The following RANBP10 variants were observed in gnomAD, a reference collection of about 807,000 sequenced individuals.
The protein encoded by RANBP10 is RAN binding protein 10.
A neutral mutation model predicts 72.8 loss-of-function variants in RANBP10; 24 were observed. That is an observed-to-expected ratio of 0.33 (90% CI 0.24 to 0.46). The LOEUF (loss-of-function observed/expected upper bound fraction) is 0.46. RANBP10 is among the 20% of genes least tolerant of loss of function. The pLI, the probability that RANBP10 is intolerant of heterozygous loss-of-function variation, is 1.00. For synonymous variants in RANBP10, 310 were observed against 322.3 expected (o/e 0.96, Z 0.41); for missense variants, 679 against 817.5 (o/e 0.83, Z 2.07).
At chr16:67,727,553 G>A (rs2053629427) in intron 12 of RANBP10, 115 bp from the exon 13 acceptor site, 2 of 1,318,224 alleles carry the variant, frequency 1.5e-6, no homozygotes, top group Non-Finnish European at 2.1e-6. Context: ...AATGTGGGGT[G>A]TAGGGTCGGG....
intron 6 of RANBP10, 79 bp downstream of exon 6, chr16:67,734,778 GC>G (rs1335120092): frequency 2.9e-6 from 4 of 1,358,648 alleles, no homozygotes; most frequent in African/African-American, 1.5e-5. Context: ...TGTAAGAACA[GC>G]TTGTAGCCCT....
chr16:67,738,079 T>A (rs375291180), intron 4 of RANBP10, 44 bp from the exon 5 acceptor site: 17 of 1,554,124 alleles, frequency 1.1e-5, no homozygotes, highest in Non-Finnish European at 1.3e-5. Flanking sequence ...CCCCTGGGGC[T>A]ACTCTGCCTC....
intron 2 of RANBP10, among the ~76,000 whole-genome samples, chr16:67,779,233 A>G (rs967841478): frequency 6.6e-6 from 1 of 152,124 alleles, no homozygotes; most frequent in Admixed American, 6.6e-5. Flanking sequence ...TGTTTCCACC[A>G]AAAATACAAA....
chr16:67,794,268 T>C (rs2055084911), intron 2 of RANBP10, among the ~76,000 whole-genome samples: 1 of 151,900 alleles, frequency 6.6e-6, no homozygotes, highest in Non-Finnish European at 1.5e-5. Context: ...CGAAACCCCA[T>C]CTCTACTAGA....
chr16:67,736,054 T>C (rs1211459623), intron 5 of RANBP10, among the ~76,000 whole-genome samples: 1 of 152,088 alleles, frequency 6.6e-6, no homozygotes, highest in Non-Finnish European at 1.5e-5. Context: ...ACTGCAACTG[T>C]CCAGAGCCTC....
At chr16:67,740,891 A>G (rs891253391) in intron 4 of RANBP10, among the ~76,000 whole-genome samples, 1 of 152,092 alleles carries the variant, frequency 6.6e-6, no homozygotes, top group Non-Finnish European at 1.5e-5. Flanking sequence ...GAATCTGGAA[A>G]TCTCTCTGTA....
intron 3 of RANBP10, among the ~76,000 whole-genome samples, chr16:67,761,189 C>T (rs975292509): frequency 5.9e-5 from 9 of 152,226 alleles, no homozygotes; most frequent in Non-Finnish European, 1.0e-4. Flanking sequence ...AAAACTTCCA[C>T]ATCTTCCAGC....
At chr16:67,786,702 C>A (rs542490315) in intron 2 of RANBP10, among the ~76,000 whole-genome samples, 57 of 152,204 alleles carry the variant, frequency 3.7e-4, no homozygotes, top group Non-Finnish European at 7.4e-4. Flanking sequence ...CCGAGGCGGG[C>A]AGATCAGTTA....
Position 67,730,626 on chromosome 16 carries a change from C to T in RANBP10, c.890-580G>A, listed in dbSNP as rs1024019388. ...AGCATCTTGCTGCTGCCTTTTCGCT[C>T]TTGCCGTGGGGCCTGGTGCATCTCG... On this transcript the variant is annotated intron_variant, in intron 7 of 13. Coordinates refer to ENST00000317506, the MANE Select transcript of RANBP10 (RefSeq NM_020850.3). The surrounding 1 kb of genome is among the most constrained non-coding windows in gnomAD (Gnocchi z 4.3). 6.6e-6 allele frequency among the ~76,000 whole-genome samples: 1 copy of T among 152,194 alleles called. No homozygotes were observed. Among genetic ancestry groups the T allele is most frequent in the Non-Finnish European group, 1.5e-5 (1 of 68,022 alleles).
intron 3 of RANBP10, among the ~76,000 whole-genome samples, chr16:67,747,213 G>C (rs2054099586): frequency 6.6e-6 from 1 of 151,226 alleles, no homozygotes; most frequent in Non-Finnish European, 1.5e-5. Flanking sequence ...TTTAATTTTG[G>C]CCTTTTAGTG....
chr16:67,743,134 C>G (rs1199192070), intron 4 of RANBP10, among the ~76,000 whole-genome samples: 1 of 152,242 alleles, frequency 6.6e-6, no homozygotes, highest in Non-Finnish European at 1.5e-5. Flanking sequence ...ACTCAGGTCC[C>G]CTGATACTAG....
chr16:67,787,759 T>C (rs1045442924), intron 2 of RANBP10, among the ~76,000 whole-genome samples: 1 of 152,142 alleles, frequency 6.6e-6, no homozygotes, highest in Admixed American at 6.5e-5. Context: ...CCCAGCACGT[T>C]GGGAGGCTGA....
At chr16:67,799,437 G>A (rs368378146) in intron 2 of RANBP10, among the ~76,000 whole-genome samples, 49 of 151,868 alleles carry the variant, frequency 3.2e-4, no homozygotes, top group African/African-American at 7.5e-4. Flanking sequence ...ACAGGCGCCC[G>A]CCACCATGCC....
chr16:67,774,095 G>A (rs923764402), intron 2 of RANBP10, among the ~76,000 whole-genome samples: 1 of 152,212 alleles, frequency 6.6e-6, no homozygotes, highest in East Asian at 1.9e-4. Context: ...TACCTCAGCT[G>A]ACCAAGCAGC....
At chr16:67,772,685 C>T (rs536052748) in intron 2 of RANBP10, among the ~76,000 whole-genome samples, 1 of 152,298 alleles carries the variant, frequency 6.6e-6, no homozygotes, top group East Asian at 1.9e-4. Context: ...GACCCCCTCA[C>T]TCCTCCCACT....
chr16:67,751,033 T>C (rs1166010780), intron 3 of RANBP10, among the ~76,000 whole-genome samples: 1 of 152,210 alleles, frequency 6.6e-6, no homozygotes, highest in East Asian at 1.9e-4. Flanking sequence ...CCCAAAGTGC[T>C]GGGATTACAG....
intron 2 of RANBP10, among the ~76,000 whole-genome samples, chr16:67,785,731 CAAAA>C (rs61683439): frequency 1.4e-5 from 1 of 71,778 alleles, no homozygotes. Flanking sequence ...GACTCCATCT[CAAAA>C]AAAAAAAAAA....
chr16:67,805,612 T>G (rs1393673095), intron 1 of RANBP10, 73 bp from the exon 2 acceptor site: 1 of 1,253,986 alleles, frequency 8.0e-7, no homozygotes. Context: ...TCTCTGCAAC[T>G]CCTCCATGAC....
intron 2 of RANBP10, among the ~76,000 whole-genome samples, chr16:67,775,433 T>A (rs920978919): frequency 6.6e-6 from 1 of 152,122 alleles, no homozygotes; most frequent in Non-Finnish European, 1.5e-5. Flanking sequence ...GAGTTCTAGA[T>A]GATGCAATCA....
Sources: allele counts gnomAD v4.1 joint callset (sites outside exome capture counted in the v4.1 genomes callset), GRCh38; gene constraint gnomAD v4.1.1; non-coding constraint Gnocchi (gnomAD v3.1); transcripts MANE v1.5; gene names NCBI Gene and HGNC (gene_info 2026-07-23, HGNC 2026-07-21).